The following TENM3 variants were observed in gnomAD, a reference collection of about 807,000 sequenced individuals.
The protein encoded by TENM3 is teneurin-3.
In TENM3, 63 loss-of-function variants were observed where a neutral mutation model predicts 255.1. The observed-to-expected ratio is 0.25, with a 90% CI of 0.20 to 0.30. The LOEUF is 0.30. Among genes scored for constraint, TENM3 ranks in the 10% least tolerant of loss-of-function variants. TENM3 has a pLI of 1.00. For synonymous variants in TENM3, 1,306 were observed against 1,322.3 expected (o/e 0.99, Z 0.27); for missense variants, 2,929 against 3,461.1 (o/e 0.85, Z 3.86).
At chr4:182,295,937 A>C (rs1365238062) in intron 1 of TENM3, among the ~76,000 whole-genome samples, 1 of 152,120 alleles carries the variant, frequency 6.6e-6, no homozygotes, top group Non-Finnish European at 1.5e-5. Context: ...ATTTGAGTTC[A>C]TACCATTATT....
the TENM3 span, among the ~76,000 whole-genome samples, chr4:181,713,104 C>T: frequency 6.6e-6 from 1 of 152,218 alleles, no homozygotes; most frequent in Non-Finnish European, 1.5e-5. Context: ...CTTGTCCTCA[C>T]ATCTCATGGA....
the TENM3 span, among the ~76,000 whole-genome samples, chr4:181,748,150 C>T: frequency 2.6e-5 from 4 of 151,944 alleles, no homozygotes; most frequent in South Asian, 2.1e-4. Context: ...TTTATTATCA[C>T]GTTGTCAGGT....
the TENM3 span, among the ~76,000 whole-genome samples, chr4:181,825,194 A>G: frequency 1.3e-5 from 2 of 152,310 alleles, no homozygotes; most frequent in East Asian, 3.9e-4. Flanking sequence ...TGAGGTCAAG[A>G]GACCAAGACC....
intron 13 of TENM3, among the ~76,000 whole-genome samples, chr4:182,728,594 C>G (rs370836233): frequency 6.6e-6 from 1 of 152,144 alleles, no homozygotes; most frequent in South Asian, 2.1e-4. Flanking sequence ...CATGTACTTA[C>G]GCAAATCTAG....
the TENM3 span, among the ~76,000 whole-genome samples, chr4:181,794,281 GTGTA>G: frequency 6.6e-6 from 1 of 152,176 alleles, no homozygotes; most frequent in African/African-American, 2.4e-5. Context: ...TTGTGTGTGT[GTGTA>G]TGTGTGTGGT....
At chr4:181,930,090 A>T in the TENM3 span, among the ~76,000 whole-genome samples, 1 of 152,310 alleles carries the variant, frequency 6.6e-6, no homozygotes, top group Non-Finnish European at 1.5e-5. Flanking sequence ...TAAAATCGAC[A>T]CCCTAACATC....
chr4:181,858,613 T>C, the TENM3 span, among the ~76,000 whole-genome samples: 2 of 152,152 alleles, frequency 1.3e-5, no homozygotes, highest in Non-Finnish European at 2.9e-5. Context: ...GAACAGGTAA[T>C]CCTACCTGAC....
the TENM3 span, among the ~76,000 whole-genome samples, chr4:181,736,025 T>C: frequency 6.6e-6 from 1 of 152,196 alleles, no homozygotes; most frequent in African/African-American, 2.4e-5. Flanking sequence ...TGGCCGGGCA[T>C]GGTGGCTCAA....
At chr4:182,065,434 C>G in the TENM3 span, among the ~76,000 whole-genome samples, 7 of 152,294 alleles carry the variant, frequency 4.6e-5, no homozygotes, top group East Asian at 1.2e-3. Context: ...CTCACAGTCA[C>G]GGCAGAAGGC....
chr4:182,638,084 G>A (rs963188800), intron 5 of TENM3, among the ~76,000 whole-genome samples: 2 of 150,812 alleles, frequency 1.3e-5, no homozygotes, highest in East Asian at 3.9e-4. Flanking sequence ...CTAGAGCCCA[G>A]TGTTCCAGTT....
chr4:182,649,987 T>G (rs1424653129), intron 5 of TENM3, among the ~76,000 whole-genome samples: 1 of 150,526 alleles, frequency 6.6e-6, no homozygotes, highest in Non-Finnish European at 1.5e-5. Context: ...CATTGCAAAC[T>G]GCATGCAAAC....
At chr4:182,461,708 A>C (rs1732009725) in intron 3 of TENM3, among the ~76,000 whole-genome samples, 1 of 152,196 alleles carries the variant, frequency 6.6e-6, no homozygotes, top group African/African-American at 2.4e-5. Flanking sequence ...CAGTTTACCA[A>C]AGTAAACTTC....
At chr4:181,661,314 A>G in the TENM3 span, among the ~76,000 whole-genome samples, 1 of 152,182 alleles carries the variant, frequency 6.6e-6, no homozygotes, top group Non-Finnish European at 1.5e-5. Context: ...TCATCATTCA[A>G]GTGGCTAGTG....
At chr4:182,555,477 A>G (rs1365384347) in intron 3 of TENM3, among the ~76,000 whole-genome samples, 1 of 152,154 alleles carries the variant, frequency 6.6e-6, no homozygotes, top group African/African-American at 2.4e-5. Context: ...CAAAAAGATT[A>G]TTTGTATGGT....
At chr4:182,020,176 C>T in the TENM3 span, among the ~76,000 whole-genome samples, 1 of 151,812 alleles carries the variant, frequency 6.6e-6, no homozygotes, top group African/African-American at 2.4e-5. Flanking sequence ...ACCAGTCTGG[C>T]CAGCATGGTG....
At chr4:182,021,611 T>C in the TENM3 span, among the ~76,000 whole-genome samples, 1 of 152,186 alleles carries the variant, frequency 6.6e-6, no homozygotes, top group African/African-American at 2.4e-5. Context: ...TGTCCATTGG[T>C]TTAAAGGTCC....
chr4:181,868,856 T>C, the TENM3 span, among the ~76,000 whole-genome samples: 1 of 152,164 alleles, frequency 6.6e-6, no homozygotes, highest in South Asian at 2.1e-4. Context: ...GATAACTGCA[T>C]TTCCAGTTAT....
the TENM3 span, among the ~76,000 whole-genome samples, chr4:181,604,958 T>A: frequency 6.6e-6 from 1 of 152,330 alleles, no homozygotes; most frequent in East Asian, 1.9e-4. Flanking sequence ...GTTGATTTAA[T>A]GTGTGTTATT....
intron 3 of TENM3, among the ~76,000 whole-genome samples, chr4:182,429,488 A>G (rs1407236335): frequency 2.6e-5 from 4 of 152,234 alleles, no homozygotes; most frequent in African/African-American, 4.8e-5. Context: ...ATTATTACTT[A>G]TATCACAGCT....
Sources: gnomAD v4.1 joint callset for allele counts (sites outside exome capture counted in the v4.1 genomes callset) on GRCh38, gnomAD v4.1.1 for gene constraint, MANE v1.5 for transcripts, NCBI Gene and HGNC (gene_info 2026-07-23, HGNC 2026-07-21) for gene names.